XPOT: variants seen among roughly 807,000 people sequenced by gnomAD.
The protein encoded by XPOT is exportin for tRNA, also known as exportin-T.
A neutral mutation model predicts 128.2 loss-of-function variants in XPOT; 34 were observed. That is an observed-to-expected ratio of 0.27 (90% CI 0.20 to 0.35). XPOT has a LOEUF of 0.35. Ranked by LOEUF, XPOT falls within the 10% of genes least tolerant of loss-of-function variation. The pLI is 1.00. For missense variants in XPOT, 838 were observed against 1,125.3 expected, an observed-to-expected ratio of 0.74 and a Z score of 3.65; for synonymous variants, 348 against 394.3, an observed-to-expected ratio of 0.88 and a Z score of 1.39.
In XPOT at chr12:64,423,073, A is replaced by G. The variant is rs764781949; in HGVS notation, c.1119+30A>G. 1.7e-5 allele frequency: 28 copies of G among 1,611,018 alleles called. No individual in the cohort carries two copies. In the South Asian group the frequency reaches 1.8e-4, roughly 10 times the overall value. ...TTGACTTTATGCTTCTTTTAAACCA[A>G]TGATAGATTTTTAGTCTGTAATTTG... On this transcript the variant is annotated intron_variant, in intron 10 of 24. Coordinates refer to ENST00000332707, the MANE Select transcript of XPOT (RefSeq NM_007235.6).
chr12:64,415,782 C>T (rs2040082404), intron 3 of XPOT, among the ~76,000 whole-genome samples: 2 of 152,220 alleles, frequency 1.3e-5, no homozygotes, highest in South Asian at 4.1e-4. Context: ...CTAGCATTCA[C>T]TTTATTCGTA....
Position 64,428,110 on chromosome 12 carries a change from T to C in XPOT, c.1727T>C (p.Leu576Pro). 1.3e-6 allele frequency: 2 copies of C among 1,557,998 alleles called. No individual in the cohort carries two copies. Among genetic ancestry groups the C allele is most frequent in the Non-Finnish European group, 1.8e-6 (2 of 1,131,324 alleles). ...ILNRIQDLLE[L>P]SPPENGHQSL... is the part of the protein sequence containing the mutation. ...AATAGAATACAAGATTTATTAGAGC[T>C]TTCTCCACCTGTAAGTATCTGTCTC... The change falls in exon 16 of 25, where the codon CTT becomes CCT. Residue 576 changes from leucine (L) to proline (P), a missense_variant. By Grantham distance (98) the Leu-to-Pro change is moderately conservative. Coordinates refer to ENST00000332707, the MANE Select transcript of XPOT (RefSeq NM_007235.6).
chr12:64,410,811 T>C (rs1477669313), intron 2 of XPOT, among the ~76,000 whole-genome samples: 1 of 145,728 alleles, frequency 6.9e-6, no homozygotes, highest in African/African-American at 2.6e-5. Flanking sequence ...AGCTGAATGA[T>C]AGAAAAATAT....
intron 15 of XPOT, 25 bp from the exon 16 acceptor site, chr12:64,428,026 G>T (rs1362346891): frequency 6.9e-7 from 1 of 1,455,830 alleles, no homozygotes; most frequent in South Asian, 1.2e-5. Context: ...GTTATTAATT[G>T]TGATTTCCTT....
At chr12:64,428,198 C>G (rs1361239603) in intron 16 of XPOT, 78 bp downstream of exon 16, 1 of 999,216 alleles carries the variant, frequency 1.0e-6, no homozygotes, top group East Asian at 2.6e-5. Flanking sequence ...CCTTTGTTGG[C>G]ATTTAAAAAA....
At chr12:64,432,332 AC>A (rs1336817310) in intron 18 of XPOT, among the ~76,000 whole-genome samples, 2 of 151,474 alleles carry the variant, frequency 1.3e-5, no homozygotes, top group Non-Finnish European at 2.9e-5. Context: ...TGCAACCTCC[AC>A]CTCCCAGGTT....
intron 14 of XPOT, 145 bp downstream of exon 14, chr12:64,425,602 A>C (rs537754276): frequency 1.8e-6 from 2 of 1,129,326 alleles, no homozygotes; most frequent in East Asian, 4.8e-5. Flanking sequence ...CCCCTCCTCC[A>C]TTTCTTTTAA....
In XPOT at chr12:64,434,928, T is replaced by C; in HGVS notation, c.2685+19T>C. 1 of 1,589,868 alleles carries C rather than the reference T, an allele frequency of 6.3e-7. No individual in the cohort carries two copies. Among genetic ancestry groups the C allele is most frequent in the Non-Finnish European group, 8.6e-7 (1 of 1,159,966 alleles). On this transcript the variant is annotated intron_variant, in intron 21 of 24. Coordinates refer to ENST00000332707, the MANE Select transcript of XPOT (RefSeq NM_007235.6). ...AGTATTGGTAAGCACCTAGGAATCTTTGTTTACCTTGTGTAGCTCATATAT... is the reference window on the plus strand; with the variant it reads ...AGTATTGGTAAGCACCTAGGAATCTCTGTTTACCTTGTGTAGCTCATATAT...
chr12:64,427,998 A>T, intron 15 of XPOT, 53 bp from the exon 16 acceptor site: 1 of 1,208,780 alleles, frequency 8.3e-7, no homozygotes, highest in Non-Finnish European at 1.2e-6. Flanking sequence ...TTGGTATTTT[A>T]GCACTGTTTT....
chr12:64,415,337 T>C (rs2040077575), intron 3 of XPOT, among the ~76,000 whole-genome samples: 2 of 151,712 alleles, frequency 1.3e-5, no homozygotes, highest in South Asian at 2.1e-4. Flanking sequence ...GTAAATGATA[T>C]ATATCTTAAT....
chr12:64,443,629 A>G (rs1018369088), intron 23 of XPOT, among the ~76,000 whole-genome samples: 4 of 151,812 alleles, frequency 2.6e-5, no homozygotes, highest in Non-Finnish European at 5.9e-5. Flanking sequence ...TAGTTTTTGT[A>G]TTTTTGGCAG....
At chr12:64,411,242 A>G (rs933625274) in intron 2 of XPOT, among the ~76,000 whole-genome samples, 8 of 152,248 alleles carry the variant, frequency 5.3e-5, no homozygotes, top group African/African-American at 1.9e-4. Context: ...GTTTTATGCT[A>G]CCTACCTTCA....
rs939066020 is a variant in XPOT, at chr12:64,439,061, T to C, written c.2734-183T>C. Among the ~76,000 whole-genome samples, 5 of 152,208 alleles carry C rather than the reference T, an allele frequency of 3.3e-5. No individual in the cohort carries two copies. The East Asian group carries it at 7.7e-4, about 23-fold the overall frequency. On this transcript the variant is annotated intron_variant, in intron 22 of 24. Coordinates refer to ENST00000332707, the MANE Select transcript of XPOT (RefSeq NM_007235.6). ...ATGTTCTGCACATGTAACCCAGAAC[T>C]TAAAGTATAATTTTAAAGAAGGTGC...
intron 2 of XPOT, among the ~76,000 whole-genome samples, chr12:64,412,436 T>G (rs1239522080): frequency 1.3e-5 from 2 of 152,210 alleles, no homozygotes; most frequent in East Asian, 3.8e-4. Flanking sequence ...TCCCCTCTTT[T>G]GTAAGTGAAA....
Position 64,425,344 on chromosome 12 carries a change from A to G in XPOT, c.1459A>G (p.Thr487Ala), listed in dbSNP as rs768374950. 4 of 1,612,188 alleles carry G rather than the reference A, an allele frequency of 2.5e-6. No homozygotes were observed. The highest frequency in any genetic ancestry group is 3.4e-6 in the Non-Finnish European group (4 of 1,179,656). The change falls in exon 14 of 25, where the codon ACA becomes GCA. Residue 487 changes from threonine (T) to alanine (A), a missense_variant. By Grantham distance (58) the Thr-to-Ala change is moderately conservative. Transcript: ENST00000332707. ...ALQDMMRTLV[T>A]SGVSSYQHTS... ...TAACTTTTTCCTGATCTAGCTGGTAACATCAGGAGTCAGTTCCTATCAGCA... is the reference window on the plus strand; with the variant it reads ...TAACTTTTTCCTGATCTAGCTGGTAGCATCAGGAGTCAGTTCCTATCAGCA...
At chr12:64,446,210 C>G (rs1288659356) in intron 24 of XPOT, among the ~76,000 whole-genome samples, 1 of 152,172 alleles carries the variant, frequency 6.6e-6, no homozygotes, top group East Asian at 1.9e-4. Context: ...GTGTCTGTAA[C>G]AGTAGATCTA....
chr12:64,428,433 CA>C (rs2040210856), intron 16 of XPOT, among the ~76,000 whole-genome samples: 1 of 151,772 alleles, frequency 6.6e-6, no homozygotes, highest in Non-Finnish European at 1.5e-5. Flanking sequence ...TTTTAAAAAC[CA>C]AAAGAAAATA....
chr12:64,423,736 G>A (rs1019680654), intron 11 of XPOT, among the ~76,000 whole-genome samples: 1 of 152,142 alleles, frequency 6.6e-6, no homozygotes, highest in Non-Finnish European at 1.5e-5. Context: ...TTATAGGTGT[G>A]AGCCACTGCA....
chr12:64,425,169 A>T lies in XPOT; in HGVS notation c.1439A>T (p.Asp480Val), dbSNP rs1334064409. The change falls in exon 13 of 25, where the codon GAT (aspartate) becomes GTT (valine). Residue 480 changes from aspartate to valine, a missense_variant. Asp to Val is a radical substitution (Grantham distance 152). This residue lies in a region of XPOT where 761 missense variants were observed against 988.3 expected (regional missense o/e 0.77). Transcript: ENST00000332707. ...GDVSKASALQ[D>V]MMRTLVTSGV... Reference sequence around the variant, plus strand: ...GTTTCAAAAGCTAGTGCTTTGCAGGATATGATGCGAACTGTAAGTATACTG... The same window carrying T: ...GTTTCAAAAGCTAGTGCTTTGCAGGTTATGATGCGAACTGTAAGTATACTG... 6.2e-7 allele frequency: 1 copy of T among 1,614,084 alleles called. No individual in the cohort carries two copies. Among genetic ancestry groups the T allele is most frequent in the African/African-American group, 1.3e-5 (1 of 75,062 alleles).
Sources: allele counts gnomAD v4.1 joint callset (sites outside exome capture counted in the v4.1 genomes callset), GRCh38; gene constraint gnomAD v4.1.1; regional missense constraint gnomAD v4.1.1; transcripts MANE v1.5; gene names NCBI Gene and HGNC (gene_info 2026-07-23, HGNC 2026-07-21).